The following JMY variants were observed in gnomAD, a reference collection of about 807,000 sequenced individuals.
JMY encodes the protein junction mediating and regulatory protein, p53 cofactor.
Under a neutral mutation model 103.3 loss-of-function variants are expected in JMY, and 46 were observed. The ratio of observed to expected loss-of-function variants is 0.45; its 90% CI spans 0.35 to 0.57. JMY has a LOEUF of 0.57. Among genes scored for constraint, JMY ranks in the 20% least tolerant of loss-of-function variants. The pLI is 0.00. For synonymous variants in JMY, 526 were observed against 489.3 expected (o/e 1.07, Z -0.99); for missense variants, 1,238 against 1,255.2 (o/e 0.99, Z 0.21).
intron 9 of JMY, among the ~76,000 whole-genome samples, chr5:79,315,658 G>A (rs1458007858): frequency 6.6e-6 from 1 of 152,142 alleles, no homozygotes; most frequent in African/African-American, 2.4e-5. Context: ...CCATCACTCT[G>A]AATTTGGGTG....
chr5:79,298,545 C>T (rs1308583377), intron 4 of JMY, among the ~76,000 whole-genome samples: 1 of 152,198 alleles, frequency 6.6e-6, no homozygotes, highest in Non-Finnish European at 1.5e-5. Context: ...ACATTCCCCT[C>T]CCTAGCTGCT....
Position 79,263,454 on chromosome 5 carries a change from C to T in JMY, c.1033-14456C>T, listed in dbSNP as rs191979621. ...TGTCACCCAGGCTAGTGTGCAGTAGCGTGATCTCAACTCACTGCAACCTCC... is the reference window on the plus strand; with the variant it reads ...TGTCACCCAGGCTAGTGTGCAGTAGTGTGATCTCAACTCACTGCAACCTCC... On this transcript the variant is annotated intron_variant, in intron 1 of 10. Coordinates refer to ENST00000396137, the MANE Select transcript of JMY (RefSeq NM_152405.5). Among the ~76,000 whole-genome samples the T allele has an allele frequency of 5.3e-5, 8 of 152,054 alleles. No homozygotes were observed. In the South Asian group the frequency reaches 1.0e-3, roughly 20 times the overall value.
intron 2 of JMY, chr5:79,284,619 C>T: frequency 6.4e-7 from 1 of 1,552,014 alleles, no homozygotes. Flanking sequence ...AGATCCATGC[C>T]ATGGAAGTTA....
chr5:79,319,016 ATG>A (rs1747352312), intron 10 of JMY, among the ~76,000 whole-genome samples: 2 of 152,164 alleles, frequency 1.3e-5, no homozygotes, highest in African/African-American at 4.8e-5. Flanking sequence ...CTTCACATAA[ATG>A]TGTGTTTAGC....
chr5:79,316,664 G>C (rs1747231146), intron 10 of JMY, among the ~76,000 whole-genome samples: 1 of 152,028 alleles, frequency 6.6e-6, no homozygotes, highest in East Asian at 1.9e-4. Flanking sequence ...CTAGCACTTT[G>C]GGAGGCTGAA....
chr5:79,272,430 T>C (rs894836946), intron 1 of JMY, among the ~76,000 whole-genome samples: 1 of 152,164 alleles, frequency 6.6e-6, no homozygotes, highest in Non-Finnish European at 1.5e-5. Context: ...TTTCCTTTTT[T>C]TTCTTTTCTT....
Position 79,314,790 on chromosome 5 carries a change from C to T in JMY, c.2598C>T (p.Ser866=), listed in dbSNP as rs1173636712. The change falls in exon 9 of 11, where the codon AGC becomes AGT. Residue 866 remains serine (S), a synonymous_variant. Transcript: ENST00000396137. ...SAPSAHLFDS[S]QLVSARKKLR... ...CCTCAGCACACCTCTTTGACAGCAG[C>T]CAGCTGGTCAGTGCACGGAAGAAGC... 6.2e-7 allele frequency: 1 copy of T among 1,611,688 alleles called. No individual in the cohort carries two copies. The highest frequency in any genetic ancestry group is 8.5e-7 in the Non-Finnish European group (1 of 1,178,990).
At chr5:79,248,866 C>G (rs1312483441) in intron 1 of JMY, among the ~76,000 whole-genome samples, 1 of 152,126 alleles carries the variant, frequency 6.6e-6, no homozygotes, top group African/African-American at 2.4e-5. Flanking sequence ...TCTAGTGATC[C>G]TCCCGCCTCA....
At chr5:79,244,767 G>T (rs1177572625) in intron 1 of JMY, among the ~76,000 whole-genome samples, 7 of 151,182 alleles carry the variant, frequency 4.6e-5, no homozygotes, top group African/African-American at 1.7e-4. Flanking sequence ...GTTGGTAGGA[G>T]AAATTAAGTT....
chr5:79,311,451 G>A (rs1747046475), intron 7 of JMY, among the ~76,000 whole-genome samples: 1 of 152,128 alleles, frequency 6.6e-6, no homozygotes, highest in Non-Finnish European at 1.5e-5. Flanking sequence ...AATGATAGAA[G>A]AATAGAATGG....
intron 4 of JMY, among the ~76,000 whole-genome samples, chr5:79,291,833 T>G (rs774925741): frequency 6.6e-6 from 1 of 152,242 alleles, no homozygotes; most frequent in Non-Finnish European, 1.5e-5. Flanking sequence ...TTTTGTGGGC[T>G]GCCCTCATTG....
chr5:79,311,885 C>T (rs986106666), intron 7 of JMY, among the ~76,000 whole-genome samples: 8 of 152,224 alleles, frequency 5.3e-5, no homozygotes, highest in South Asian at 2.1e-4. Flanking sequence ...GGCACTATCT[C>T]GGCTCACTGC....
intron 10 of JMY, 106 bp downstream of exon 10, chr5:79,316,416 A>G: frequency 1.2e-6 from 1 of 811,848 alleles, no homozygotes; most frequent in South Asian, 2.2e-5. Flanking sequence ...CGTTTGTTTT[A>G]TAACCCAATT....
intron 1 of JMY, among the ~76,000 whole-genome samples, chr5:79,257,961 C>A (rs1745297630): frequency 6.6e-6 from 1 of 151,994 alleles, no homozygotes; most frequent in Non-Finnish European, 1.5e-5. Flanking sequence ...CAGGGTTTCA[C>A]CATGTTGGCC....
At chr5:79,241,204 A>G (rs879063936) in intron 1 of JMY, among the ~76,000 whole-genome samples, 1 of 152,186 alleles carries the variant, frequency 6.6e-6, no homozygotes, top group Admixed American at 6.5e-5. Flanking sequence ...CTGTACAACT[A>G]GATTGTAAGC....
chr5:79,264,274 G>T (rs1390551827), intron 1 of JMY, among the ~76,000 whole-genome samples: 1 of 151,848 alleles, frequency 6.6e-6, no homozygotes, highest in East Asian at 1.9e-4. Flanking sequence ...TTTAGTAGAG[G>T]TGGGGTTTTA....
At chr5:79,267,383 G>C (rs982815709) in intron 1 of JMY, among the ~76,000 whole-genome samples, 1 of 152,072 alleles carries the variant, frequency 6.6e-6, no homozygotes, top group Non-Finnish European at 1.5e-5. Flanking sequence ...TGCTCCATCT[G>C]TTCATTGGAG....
intron 1 of JMY, among the ~76,000 whole-genome samples, chr5:79,253,075 A>G (rs1364686035): frequency 2.0e-5 from 3 of 151,848 alleles, no homozygotes; most frequent in East Asian, 1.9e-4. Flanking sequence ...AATCCATTGT[A>G]TGTTTTTTAT....
chr5:79,252,357 T>C (rs2112054221), intron 1 of JMY, among the ~76,000 whole-genome samples: 1 of 150,732 alleles, frequency 6.6e-6, no homozygotes, highest in East Asian at 1.9e-4. Context: ...TTTTTTTTAA[T>C]GTTTTAAGGC....
Sources: allele counts gnomAD v4.1 joint callset (sites outside exome capture counted in the v4.1 genomes callset), GRCh38; gene constraint gnomAD v4.1.1; transcripts MANE v1.5; gene names NCBI Gene and HGNC (gene_info 2026-07-23, HGNC 2026-07-21).